Variants in VASN observed in about 807,000 individuals in gnomAD.
VASN encodes the protein protein slit-like 2.
VASN carries 5 observed loss-of-function variants against 4.8 expected under a neutral mutation model. The observed-to-expected ratio is 1.03, with a 90% CI of 0.54 to 2.17. VASN has a LOEUF of 2.17. Among genes scored for constraint, VASN ranks in the 30% most tolerant of loss-of-function variants. The pLI is 0.01. For missense variants in VASN, 927 were observed against 948.8 expected (o/e 0.98, Z 0.30); for synonymous variants, 499 against 460.8 (o/e 1.08, Z -1.06).
rs986156217 is a variant in VASN at position 4,377,073 on chromosome 16, TA to T, written c.-9-3795del. On this transcript the variant is annotated intron_variant, in intron 1 of 1. Coordinates refer to ENST00000304735, the MANE Select transcript of VASN (RefSeq NM_138440.3). ...GCCCACTGCACAATGGGGGCTGAGG[TA>T]GGGGTCGTGGCCGGGCTGTGGACCC... Among the ~76,000 whole-genome samples, 75 of 152,092 alleles carry T rather than the reference TA, an allele frequency of 4.9e-4. No individual in the cohort carries two copies. The South Asian group carries it at 5.2e-3, about 11-fold the overall frequency.
At chr16:4,377,730 A>G (rs923564678) in intron 1 of VASN, among the ~76,000 whole-genome samples, 1 of 152,088 alleles carries the variant, frequency 6.6e-6, no homozygotes, top group Non-Finnish European at 1.5e-5. Flanking sequence ...TGTAGCTTAC[A>G]AACTCTGGGG....
rs1567272378 is a variant in VASN at position 4,381,279 on chromosome 16, C to T, written c.402C>T (p.Asn134=). 4 of 1,611,684 alleles carry T rather than the reference C, an allele frequency of 2.5e-6. No homozygotes were observed. The South Asian group carries it at 3.3e-5, about 13-fold the overall frequency. Residue 134 remains asparagine (N), a synonymous_variant, in exon 2 of 2, where the codon AAC becomes AAT. Transcript: ENST00000304735. ...RRLERLYLGK[N]RIRHIQPGAF... is the part of the protein sequence containing the mutation. ...TCGAGCGCCTCTACCTGGGCAAGAACCGCATCCGCCACATCCAGCCTGGTG... is the reference window on the plus strand; with the variant it reads ...TCGAGCGCCTCTACCTGGGCAAGAATCGCATCCGCCACATCCAGCCTGGTG...
In VASN at chr16:4,382,692, G is replaced by A. The variant is rs1238141846; in HGVS notation, c.1815G>A (p.Met605Ile). 4 of 1,546,744 alleles carry A rather than the reference G, an allele frequency of 2.6e-6. No homozygotes were observed. Among genetic ancestry groups the A allele is most frequent in the Non-Finnish European group, 3.5e-6 (4 of 1,147,008 alleles). Residue 605 changes from methionine to isoleucine, a missense_variant, in exon 2 of 2, where the codon ATG becomes ATA. By Grantham distance (10) the Met-to-Ile change is conservative. Coordinates refer to ENST00000304735, the MANE Select transcript of VASN (RefSeq NM_138440.3). ...ACTGTGTGCGGCGGGGGCGGGCCAT[G>A]GCAGCAGCGGCTCAGGACAAAGGGC... ...AAYCVRRGRA[M>I]AAAAQDKGQV...
intron 1 of VASN, among the ~76,000 whole-genome samples, chr16:4,374,162 G>A (rs909521583): frequency 1.3e-5 from 2 of 150,404 alleles, no homozygotes; most frequent in Admixed American, 6.6e-5. Flanking sequence ...CTGTGTGCGC[G>A]TGACTGGAGC....
rs534305940 is a variant in VASN, at chr16:4,375,388, C to T, written c.-10+3395C>T. ...AGACGAGCTGACATCCTGACTGTCC[C>T]CTTTGCAACCCTCTGTCCTGGTGTT... On this transcript the variant is annotated intron_variant, in intron 1 of 1. Coordinates refer to ENST00000304735, the MANE Select transcript of VASN (RefSeq NM_138440.3). Among the ~76,000 whole-genome samples the T allele has an allele frequency of 7.9e-5, 12 of 152,350 alleles. No individual in the cohort carries two copies. The East Asian group carries it at 2.3e-3, about 29-fold the overall frequency.
At chr16:4,377,009 G>C (rs11076826) in intron 1 of VASN, among the ~76,000 whole-genome samples, 101,234 of 152,066 alleles carry the variant, frequency 0.67, 34,758 homozygotes, top group East Asian at 0.79. Context: ...CACAGACCAA[G>C]TCACCCCAGA....
chr16:4,374,445 C>T (rs543292261), intron 1 of VASN, among the ~76,000 whole-genome samples: 24 of 152,226 alleles, frequency 1.6e-4, no homozygotes, highest in East Asian at 1.4e-3. Flanking sequence ...GGGTTCGGGA[C>T]GGCCCCCACC....
In VASN at chr16:4,380,402, G is replaced by A. The variant is rs538338023; in HGVS notation, c.-9-467G>A. Reference sequence around the variant, plus strand: ...CCCTCCTCCAAGGAGGGCGGGACACGGAGCGTGGCAGCAGGAGCCGGCGGC... The same window carrying A: ...CCCTCCTCCAAGGAGGGCGGGACACAGAGCGTGGCAGCAGGAGCCGGCGGC... On this transcript the variant is annotated intron_variant, in intron 1 of 1. Transcript: ENST00000304735. 7.2e-5 allele frequency among the ~76,000 whole-genome samples: 11 copies of A among 152,372 alleles called. No homozygotes were observed. The South Asian group carries it at 1.5e-3, about 20-fold the overall frequency.
In VASN at chr16:4,381,348, C is replaced by T; in HGVS notation, c.471C>T (p.Asp157=). ...GCCTCCTGGAGCTCAAGCTGCAGGACAACGAGCTGCGGGCACTGCCCCCGC... is the reference window on the plus strand; with the variant it reads ...GCCTCCTGGAGCTCAAGCTGCAGGATAACGAGCTGCGGGCACTGCCCCCGC... ...LDRLLELKLQ[D]NELRALPPLR... is the part of the protein sequence containing the mutation. Residue 157 remains aspartate, a synonymous_variant, in exon 2 of 2, where the codon GAC becomes GAT. Coordinates refer to ENST00000304735, the MANE Select transcript of VASN (RefSeq NM_138440.3). The T allele has an allele frequency of 6.2e-7, 1 of 1,603,942 alleles. No homozygotes were observed. The highest frequency in any genetic ancestry group is 8.5e-7 in the Non-Finnish European group (1 of 1,176,340).
At chr16:4,378,617 G>T (rs1388960556) in intron 1 of VASN, among the ~76,000 whole-genome samples, 1 of 152,104 alleles carries the variant, frequency 6.6e-6, no homozygotes, top group Non-Finnish European at 1.5e-5. Flanking sequence ...CATCAGACAC[G>T]AGCCCCCCTG....
At chr16:4,373,982 C>T (rs78390674) in intron 1 of VASN, among the ~76,000 whole-genome samples, 3,173 of 152,268 alleles carry the variant, frequency 0.021, 119 homozygotes, top group African/African-American at 0.071. Context: ...CCCTTAGAGT[C>T]CCCTCCCTGG....
intron 1 of VASN, among the ~76,000 whole-genome samples, chr16:4,376,682 C>A (rs1185703814): frequency 6.6e-6 from 1 of 152,150 alleles, no homozygotes; most frequent in African/African-American, 2.4e-5. Context: ...GGGTGGGCGT[C>A]CCCCTGGGAG....
chr16:4,382,673 T>G lies in VASN; in HGVS notation c.1796T>G (p.Val599Gly), dbSNP rs1351971032. ...ALAAVGAAYC[V>G]RRGRAMAAAA... ...GCTGCGGTGGGGGCAGCCTACTGTG[T>G]GCGGCGGGGGCGGGCCATGGCAGCA... Residue 599 changes from valine to glycine, a missense_variant, in exon 2 of 2, where the codon GTG (valine) becomes GGG (glycine). Val to Gly is a moderately radical substitution (Grantham distance 109). Coordinates refer to ENST00000304735, the MANE Select transcript of VASN (RefSeq NM_138440.3). The G allele has an allele frequency of 5.8e-6, 9 of 1,548,846 alleles. No homozygotes were observed. The African/African-American group carries it at 9.6e-5, about 16-fold the overall frequency.
Position 4,382,003 on chromosome 16 carries a change from G to C in VASN, c.1126G>C (p.Ala376Pro). 6.2e-7 allele frequency: 1 copy of C among 1,605,684 alleles called. No homozygotes were observed. The highest frequency in any genetic ancestry group is 8.5e-7 in the Non-Finnish European group (1 of 1,177,650). The change falls in exon 2 of 2, where the codon GCT becomes CCT. Residue 376 changes from alanine (A) to proline (P), a missense_variant. Transcript: ENST00000304735. ...REPTALSSSL[A>P]PTWLSPTEPA... ...GCCCACAGCCTTGTCTTCTAGCTTG[G>C]CTCCTACCTGGCTTAGCCCCACAGA...
rs1427233051 is a variant in VASN at position 4,381,313 on chromosome 16, A to G, written c.436A>G (p.Thr146Ala). The G allele has an allele frequency of 6.2e-7, 1 of 1,611,790 alleles. No homozygotes were observed. The highest frequency in any genetic ancestry group is 8.5e-7 in the Non-Finnish European group (1 of 1,179,582). The change falls in exon 2 of 2, where the codon ACG becomes GCG. Residue 146 changes from threonine to alanine, a missense_variant. Transcript: ENST00000304735. ...CCACATCCAGCCTGGTGCCTTCGACACGCTCGACCGCCTCCTGGAGCTCAA... is the reference window on the plus strand; with the variant it reads ...CCACATCCAGCCTGGTGCCTTCGACGCGCTCGACCGCCTCCTGGAGCTCAA... ...IRHIQPGAFD[T>A]LDRLLELKLQ...
chr16:4,382,497 C>T lies in VASN; in HGVS notation c.1620C>T (p.Pro540=), dbSNP rs779526004. 53 of 1,594,562 alleles carry T rather than the reference C, an allele frequency of 3.3e-5. No individual in the cohort carries two copies. Among genetic ancestry groups the T allele is most frequent in the South Asian group, 1.5e-4 (13 of 88,766 alleles). The part of the protein sequence containing the change: ...TYSVCVMPLG[P]GRVPEGEEAC... Reference sequence around the variant, plus strand: ...CCGTCTGTGTCATGCCTTTGGGGCCCGGGCGGGTGCCGGAGGGCGAGGAGG... The same window carrying T: ...CCGTCTGTGTCATGCCTTTGGGGCCTGGGCGGGTGCCGGAGGGCGAGGAGG... Residue 540 remains proline (P), a synonymous_variant, in exon 2 of 2, where the codon CCC becomes CCT. Transcript: ENST00000304735.
chr16:4,373,434 TG>T (rs1262842979), intron 1 of VASN, among the ~76,000 whole-genome samples: 1 of 152,004 alleles, frequency 6.6e-6, no homozygotes, highest in African/African-American at 2.4e-5. Flanking sequence ...GGGATGGGGC[TG>T]GGGGCTGGGG....
intron 1 of VASN, 73 bp from the exon 2 acceptor site, chr16:4,380,796 G>T: frequency 7.2e-7 from 1 of 1,390,382 alleles, no homozygotes; most frequent in Admixed American, 2.9e-5. Flanking sequence ...ATTCCCTCTG[G>T]CTCTTCCTGG....
chr16:4,379,498 C>G (rs1481489293), intron 1 of VASN, among the ~76,000 whole-genome samples: 1 of 152,174 alleles, frequency 6.6e-6, no homozygotes, highest in African/African-American at 2.4e-5. Context: ...CAGGTGGCTG[C>G]TGCACACCTG....
Sources: gnomAD v4.1 joint callset for allele counts (sites outside exome capture counted in the v4.1 genomes callset) on GRCh38, gnomAD v4.1.1 for gene constraint, MANE v1.5 for transcripts, NCBI Gene and HGNC (gene_info 2026-07-23, HGNC 2026-07-21) for gene names.